Variants in DRC11 observed in about 807,000 individuals in gnomAD.
The protein encoded by DRC11 is dynein regulatory complex subunit 11, also known as IQ and AAA domain-containing protein 1.
At chr2:236,496,177 C>A in the DRC11 span, among the ~76,000 whole-genome samples, 1 of 152,134 alleles carries the variant, frequency 6.6e-6, no homozygotes, top group East Asian at 1.9e-4. The surrounding 1 kb of genome is among the most constrained non-coding windows in gnomAD (Gnocchi z 6.3). Flanking sequence ...GTGATTGGCC[C>A]ATGCTCTTAT....
At chr2:236,417,853 T>G in the DRC11 span, among the ~76,000 whole-genome samples, 7 of 152,146 alleles carry the variant, frequency 4.6e-5, no homozygotes, top group Non-Finnish European at 1.0e-4. Context: ...CCTGTGTTAG[T>G]TTGCTGAGGA....
At chr2:236,488,336 T>C in the DRC11 span, 1 of 517,386 alleles carries the variant, frequency 1.9e-6, no homozygotes, top group Non-Finnish European at 3.2e-6. Flanking sequence ...TGAACACTGT[T>C]CATTTTTCCA....
chr2:236,419,167 T>C, the DRC11 span: 1 of 1,531,258 alleles, frequency 6.5e-7, no homozygotes, highest in Non-Finnish European at 8.8e-7. The surrounding 1 kb of genome is among the most constrained non-coding windows in gnomAD (Gnocchi z 4.8). Flanking sequence ...TCTCCTTTGT[T>C]CCTTTCTTTT....
At chr2:236,494,582 TTC>T in the DRC11 span, among the ~76,000 whole-genome samples, 9 of 152,310 alleles carry the variant, frequency 5.9e-5, no homozygotes, top group Admixed American at 6.5e-5. The surrounding 1 kb of genome is among the most constrained non-coding windows in gnomAD (Gnocchi z 4.2). Context: ...ATCCTAGAAT[TTC>T]TGTCAGACCT....
At chr2:236,389,079 G>T in the DRC11 span, among the ~76,000 whole-genome samples, 1 of 152,274 alleles carries the variant, frequency 6.6e-6, no homozygotes, top group East Asian at 1.9e-4. Flanking sequence ...GTCAGACAGG[G>T]ACATTTAAGT....
chr2:236,490,637 G>A, the DRC11 span, among the ~76,000 whole-genome samples: 2 of 151,998 alleles, frequency 1.3e-5, no homozygotes, highest in Admixed American at 1.3e-4. This position sits in a 1 kb window ranked among gnomAD's most constrained non-coding sequence, Gnocchi z 5.5. Context: ...GAAAATAGTC[G>A]TGGCCATTAT....
chr2:236,440,602 G>T, the DRC11 span, among the ~76,000 whole-genome samples: 8 of 152,222 alleles, frequency 5.3e-5, no homozygotes, highest in African/African-American at 1.9e-4. Context: ...TGACAGCGGA[G>T]CAGGAGCTAA....
the DRC11 span, chr2:236,324,487 A>G: frequency 4.1e-6 from 2 of 482,728 alleles, no homozygotes; most frequent in East Asian, 7.2e-5. The surrounding 1 kb of genome is among the most constrained non-coding windows in gnomAD (Gnocchi z 5.7). Context: ...TGGGAAAGGC[A>G]TAACAGCACA....
chr2:236,352,465 G>A, the DRC11 span, among the ~76,000 whole-genome samples: 1 of 152,132 alleles, frequency 6.6e-6, no homozygotes, highest in South Asian at 2.1e-4. The surrounding 1 kb of genome is among the most constrained non-coding windows in gnomAD (Gnocchi z 7.0). Context: ...ACAGACACTG[G>A]GGGATAGGGT....
At chr2:236,459,535 G>GTACGTA in the DRC11 span, among the ~76,000 whole-genome samples, 5 of 106,286 alleles carry the variant, frequency 4.7e-5, no homozygotes, top group African/African-American at 7.3e-5. Flanking sequence ...ACATGTATAC[G>GTACGTA]TATACGTATA....
At chr2:236,336,740 C>T in the DRC11 span, among the ~76,000 whole-genome samples, 2 of 152,330 alleles carry the variant, frequency 1.3e-5, no homozygotes, top group Non-Finnish European at 2.9e-5. This position sits in a 1 kb window ranked among gnomAD's most constrained non-coding sequence, Gnocchi z 7.3. Context: ...ACACCAACAG[C>T]ACCATCGCCA....
chr2:236,416,496 G>A, the DRC11 span, among the ~76,000 whole-genome samples: 2 of 151,636 alleles, frequency 1.3e-5, no homozygotes, highest in Non-Finnish European at 2.9e-5. Context: ...TGCCCCAAAT[G>A]AGCAGTAAGG....
chr2:236,306,877 T>G, the DRC11 span, among the ~76,000 whole-genome samples: 1 of 152,222 alleles, frequency 6.6e-6, no homozygotes, highest in African/African-American at 2.4e-5. This position sits in a 1 kb window ranked among gnomAD's most constrained non-coding sequence, Gnocchi z 5.9. Flanking sequence ...CTTAACTTGC[T>G]AATATTATCC....
the DRC11 span, among the ~76,000 whole-genome samples, chr2:236,316,606 A>G: frequency 6.6e-6 from 1 of 152,228 alleles, no homozygotes; most frequent in African/African-American, 2.4e-5. The surrounding 1 kb of genome is among the most constrained non-coding windows in gnomAD (Gnocchi z 6.8). Flanking sequence ...AAAATAGACA[A>G]CCAACTCAGC....
chr2:236,337,810 G>GA, the DRC11 span, among the ~76,000 whole-genome samples: 372 of 142,702 alleles, frequency 2.6e-3, no homozygotes, highest in Admixed American at 3.3e-3. The surrounding 1 kb of genome is among the most constrained non-coding windows in gnomAD (Gnocchi z 4.9). Context: ...GAGACTGGAA[G>GA]AAAAAAAAAA....
At chr2:236,421,125 C>T in the DRC11 span, among the ~76,000 whole-genome samples, 1 of 152,114 alleles carries the variant, frequency 6.6e-6, no homozygotes, top group Admixed American at 6.6e-5. Flanking sequence ...TTAAAATTGA[C>T]ACCCTAACAT....
At chr2:236,437,560 A>G in the DRC11 span, among the ~76,000 whole-genome samples, 1 of 150,648 alleles carries the variant, frequency 6.6e-6, no homozygotes, top group Non-Finnish European at 1.5e-5. Context: ...TCCCACCAAC[A>G]GTGTAAAAGT....
At chr2:236,462,437 C>T in the DRC11 span, among the ~76,000 whole-genome samples, 3 of 152,206 alleles carry the variant, frequency 2.0e-5, no homozygotes, top group South Asian at 2.1e-4. This position sits in a 1 kb window ranked among gnomAD's most constrained non-coding sequence, Gnocchi z 6.4. Context: ...TTTGGGAGGT[C>T]GAGGCGGGTG....
At chr2:236,440,682 C>T in the DRC11 span, among the ~76,000 whole-genome samples, 1 of 152,098 alleles carries the variant, frequency 6.6e-6, no homozygotes, top group African/African-American at 2.4e-5. Context: ...GCCAGAAGCA[C>T]AGGTGAGTAG....
Sources: gnomAD v4.1 joint callset for allele counts (sites outside exome capture counted in the v4.1 genomes callset) on GRCh38, gnomAD v4.1.1 for gene constraint, Gnocchi (gnomAD v3.1) non-coding constraint, MANE v1.5 for transcripts, NCBI Gene and HGNC (gene_info 2026-07-23, HGNC 2026-07-21) for gene names.